NPY2R: variants seen among roughly 807,000 people sequenced by gnomAD.
The protein encoded by NPY2R is neuropeptide Y receptor Y2.
Under a neutral mutation model 22.3 loss-of-function variants are expected in NPY2R, and 17 were observed. The ratio of observed to expected loss-of-function variants is 0.76; its 90% confidence interval spans 0.52 to 1.14. The LOEUF is 1.14. Ranked by LOEUF, NPY2R falls within the 50% of genes most tolerant of loss-of-function variation. The pLI is 0.00. For missense variants in NPY2R, 424 were observed against 467.9 expected (o/e 0.91, Z 0.87); for synonymous variants, 209 against 183.4 (o/e 1.14, Z -1.13).
the NPY2R span, among the ~76,000 whole-genome samples, chr4:155,190,664 T>C: frequency 6.6e-6 from 1 of 152,018 alleles, no homozygotes; most frequent in East Asian, 1.9e-4. Flanking sequence ...ATCATGATAA[T>C]TACTTCAGAA....
chr4:155,209,583 A>G (rs903977772), intron 1 of NPY2R, among the ~76,000 whole-genome samples: 1 of 152,222 alleles, frequency 6.6e-6, no homozygotes, highest in Non-Finnish European at 1.5e-5. Context: ...TGCTGTTTCC[A>G]AAGAAAGGCT....
At chr4:155,183,642 G>A in the NPY2R span, among the ~76,000 whole-genome samples, 1 of 152,130 alleles carries the variant, frequency 6.6e-6, no homozygotes, top group South Asian at 2.1e-4. Context: ...CAAGAAGAAG[G>A]CATCAACAGA....
the NPY2R span, among the ~76,000 whole-genome samples, chr4:155,183,036 A>G: frequency 6.6e-6 from 1 of 151,950 alleles, no homozygotes; most frequent in Admixed American, 6.6e-5. Context: ...CAGGTGATCC[A>G]CCTGCCTTGG....
the NPY2R span, among the ~76,000 whole-genome samples, chr4:155,178,274 G>A: frequency 6.6e-6 from 1 of 152,134 alleles, no homozygotes. Flanking sequence ...AGCTCTCCTG[G>A]AAGAGGCAGT....
At chr4:155,203,559 G>T in the NPY2R span, among the ~76,000 whole-genome samples, 2 of 152,066 alleles carry the variant, frequency 1.3e-5, no homozygotes. Flanking sequence ...ATCTGTTCAG[G>T]TATTAACTCC....
the NPY2R span, among the ~76,000 whole-genome samples, chr4:155,177,727 C>T: frequency 0.056 from 8,585 of 152,032 alleles, 279 homozygotes; most frequent in Middle Eastern, 0.096. Flanking sequence ...GCAGTCATAC[C>T]TCCCCAGCTT....
the NPY2R span, among the ~76,000 whole-genome samples, chr4:155,178,611 G>A: frequency 6.6e-6 from 1 of 152,104 alleles, no homozygotes; most frequent in Admixed American, 6.6e-5. Context: ...AACTATATTT[G>A]TGTATTTGTT....
the NPY2R span, among the ~76,000 whole-genome samples, chr4:155,201,668 A>G: frequency 0.051 from 7,770 of 152,248 alleles, 240 homozygotes; most frequent in Middle Eastern, 0.095. Context: ...CCTAAAGGTC[A>G]GTTGACTTGC....
At chr4:155,199,106 A>G in the NPY2R span, among the ~76,000 whole-genome samples, 1 of 152,134 alleles carries the variant, frequency 6.6e-6, no homozygotes, top group South Asian at 2.1e-4. Context: ...ACTGAACACC[A>G]TGTTCATCTA....
At chr4:155,189,867 A>G in the NPY2R span, among the ~76,000 whole-genome samples, 1 of 151,994 alleles carries the variant, frequency 6.6e-6, no homozygotes, top group Non-Finnish European at 1.5e-5. Context: ...TTCTGAGAGC[A>G]TGTTACAATG....
chr4:155,179,786 C>T, the NPY2R span, among the ~76,000 whole-genome samples: 34 of 152,180 alleles, frequency 2.2e-4, no homozygotes, highest in Middle Eastern at 3.4e-3. Context: ...TATTCTATCC[C>T]ACAAATTCTA....
intron 1 of NPY2R, among the ~76,000 whole-genome samples, chr4:155,212,878 C>G (rs986171500): frequency 6.6e-6 from 1 of 152,174 alleles, no homozygotes; most frequent in Non-Finnish European, 1.5e-5. Flanking sequence ...ACTGTTCCAA[C>G]CCAAGTTTCC....
the NPY2R span, among the ~76,000 whole-genome samples, chr4:155,193,286 T>C: frequency 1.3e-5 from 2 of 151,874 alleles, no homozygotes; most frequent in African/African-American, 4.8e-5. Flanking sequence ...AGAGGACTTG[T>C]CCAACTAATT....
At chr4:155,204,216 C>T (rs60535715), upstream of NPY2R, among the ~76,000 whole-genome samples, 2,342 of 150,790 alleles carry the variant, frequency 0.016, 49 homozygotes, top group African/African-American at 0.053. Context: ...AAAAAAAAAA[C>T]GAAAAAGCTA....
chr4:155,188,115 A>G, the NPY2R span, among the ~76,000 whole-genome samples: 2 of 152,078 alleles, frequency 1.3e-5, no homozygotes, highest in African/African-American at 4.8e-5. Context: ...AAGCACTATG[A>G]GTACAACAGA....
At chr4:155,179,697 T>G in the NPY2R span, among the ~76,000 whole-genome samples, 3 of 151,984 alleles carry the variant, frequency 2.0e-5, no homozygotes, top group Admixed American at 6.6e-5. Context: ...TCTGCATATA[T>G]AGTTTGGGTT....
chr4:155,216,971 A>G lies in NPY2R; in HGVS notation c.*1886A>G, dbSNP rs1307849194. 1 of 167,046 alleles carries G rather than the reference A, an allele frequency of 6.0e-6. No individual in the cohort carries two copies. The highest frequency in any genetic ancestry group is 1.5e-5 in the Non-Finnish European group (1 of 68,122). 10.3% of individuals were successfully genotyped at this position (167,046 alleles called of 1,614,324 possible). A position where few individuals can be genotyped will look rare whatever the true frequency, so the allele number is the denominator to read the frequency against. On this transcript the variant is annotated 3_prime_UTR_variant, in exon 2 of 2. Transcript: ENST00000329476. ...ATTAGTAAATTATTAGAATCCAATTAATGATTCAATTAACATATATCTTAT... is the reference window on the plus strand; with the variant it reads ...ATTAGTAAATTATTAGAATCCAATTGATGATTCAATTAACATATATCTTAT...
upstream of NPY2R, chr4:155,206,856 T>A (rs1295887525): frequency 1.3e-5 from 2 of 152,238 alleles, no homozygotes; most frequent in African/African-American, 4.8e-5. Flanking sequence ...TTCTACTCTT[T>A]TAAAGTTATA....
the NPY2R span, among the ~76,000 whole-genome samples, chr4:155,195,946 G>T: frequency 6.6e-6 from 1 of 152,096 alleles, no homozygotes; most frequent in Non-Finnish European, 1.5e-5. Context: ...GTGATGATAA[G>T]GAAAGTGTAG....
Sources: gnomAD v4.1 joint callset for allele counts (sites outside exome capture counted in the v4.1 genomes callset) on GRCh38, gnomAD v4.1.1 for gene constraint, MANE v1.5 for transcripts, NCBI Gene and HGNC (gene_info 2026-07-23, HGNC 2026-07-21) for gene names.